The following ESRRG variants were observed in gnomAD, a reference collection of about 807,000 sequenced individuals.
The protein encoded by ESRRG is estrogen related receptor gamma.
Under a neutral mutation model 44.0 loss-of-function variants are expected in ESRRG, and 13 were observed. The observed-to-expected ratio is 0.30, with a 90% CI of 0.19 to 0.47. ESRRG has a LOEUF of 0.47. ESRRG is among the 20% of genes least tolerant of loss of function. The pLI, the probability that ESRRG is intolerant of heterozygous loss-of-function variation, is 1.00. For synonymous variants in ESRRG, 215 were observed against 214.6 expected, an observed-to-expected ratio of 1.00 and a Z score of -0.02; for missense variants, 395 against 580.6, an observed-to-expected ratio of 0.68 and a Z score of 3.29.
intron 2 of ESRRG, among the ~76,000 whole-genome samples, chr1:216,857,792 A>G (rs534973738): frequency 6.6e-5 from 10 of 152,020 alleles, no homozygotes; most frequent in Admixed American, 5.2e-4. Context: ...TGACACGCCC[A>G]TTTACTGGAA....
At chr1:216,709,984 C>T (rs1016930688) in intron 1 of ESRRG, among the ~76,000 whole-genome samples, 11 of 152,038 alleles carry the variant, frequency 7.2e-5, no homozygotes. Flanking sequence ...GAAGAATTTT[C>T]TGCATGTGTT....
upstream of ESRRG, among the ~76,000 whole-genome samples, chr1:217,092,655 T>C (rs903959852): frequency 2.0e-5 from 3 of 152,204 alleles, no homozygotes; most frequent in African/African-American, 7.2e-5. Context: ...CACACTGCGA[T>C]CCCAGTGTCG....
intron 5 of ESRRG, among the ~76,000 whole-genome samples, chr1:216,548,353 C>A (rs1406620418): frequency 6.6e-6 from 1 of 152,032 alleles, no homozygotes; most frequent in Non-Finnish European, 1.5e-5. Flanking sequence ...TTTGAAGCCT[C>A]TTGGCTTGGT....
At chr1:217,017,095 T>C (rs1179007965) in intron 1 of ESRRG, among the ~76,000 whole-genome samples, 1 of 152,156 alleles carries the variant, frequency 6.6e-6, no homozygotes, top group Non-Finnish European at 1.5e-5. Flanking sequence ...TGGGACAGAA[T>C]GCTCTGCTAT....
At chr1:216,652,256 A>C (rs888801949) in intron 2 of ESRRG, among the ~76,000 whole-genome samples, 1 of 152,192 alleles carries the variant, frequency 6.6e-6, no homozygotes, top group African/African-American at 2.4e-5. Flanking sequence ...TCTAGTAATT[A>C]GCATAGAGTC....
intron 2 of ESRRG, among the ~76,000 whole-genome samples, chr1:216,854,337 CAG>C (rs2095886493): frequency 9.8e-6 from 1 of 102,450 alleles, no homozygotes; most frequent in Non-Finnish European, 1.7e-5. Context: ...AGCCTGGCGA[CAG>C]AGCAAGACAC....
At chr1:216,916,163 G>A (rs1031489148) in intron 2 of ESRRG, among the ~76,000 whole-genome samples, 18 of 152,152 alleles carry the variant, frequency 1.2e-4, no homozygotes, top group African/African-American at 4.3e-4. Flanking sequence ...AAGCAATTGA[G>A]TTGAGAGAAT....
At chr1:216,563,217 A>G (rs1161987213) in intron 5 of ESRRG, among the ~76,000 whole-genome samples, 1 of 152,198 alleles carries the variant, frequency 6.6e-6, no homozygotes, top group Non-Finnish European at 1.5e-5. Flanking sequence ...ACTACAACGA[A>G]CAAAGCCATT....
chr1:216,513,293 T>C (rs2043253876), intron 6 of ESRRG, among the ~76,000 whole-genome samples: 1 of 152,194 alleles, frequency 6.6e-6, no homozygotes, highest in African/African-American at 2.4e-5. Flanking sequence ...TTGGCGGCTG[T>C]AGAAACAGGT....
chr1:216,747,026 AG>A (rs1319122498), intron 2 of ESRRG, among the ~76,000 whole-genome samples: 3 of 152,202 alleles, frequency 2.0e-5, no homozygotes, highest in African/African-American at 7.2e-5. Flanking sequence ...CTCATAAAAC[AG>A]GCTTCATAGA....
At chr1:216,782,195 C>T (rs576494171) in intron 2 of ESRRG, among the ~76,000 whole-genome samples, 1 of 152,182 alleles carries the variant, frequency 6.6e-6, no homozygotes, top group Non-Finnish European at 1.5e-5. Context: ...CACACAAGAG[C>T]TCTTACATAC....
chr1:216,611,477 C>T (rs952607790), intron 3 of ESRRG, among the ~76,000 whole-genome samples: 5 of 152,128 alleles, frequency 3.3e-5, no homozygotes, highest in African/African-American at 4.8e-5. Context: ...TAAACACACT[C>T]ATGCACTCAT....
intron 6 of ESRRG, 115 bp downstream of exon 6, chr1:216,519,037 G>T (rs1048846833): frequency 1.0e-5 from 8 of 797,104 alleles, no homozygotes; most frequent in East Asian, 2.6e-5. Context: ...TTATAATTTT[G>T]CTGACTCATA....
chr1:216,887,193 C>T (rs1487532573), intron 2 of ESRRG, among the ~76,000 whole-genome samples: 1 of 152,164 alleles, frequency 6.6e-6, no homozygotes, highest in Admixed American at 6.5e-5. Flanking sequence ...CAACTCTGTT[C>T]TGGCCAATTC....
At position 216,567,992 on chromosome 1, in the gene ESRRG, C is replaced by G. The variant is rs79583553; in HGVS notation, c.696G>C (p.Lys232Asn). The change falls in exon 4 of 7, where the codon AAG (lysine) becomes AAC (asparagine). Residue 232 changes from lysine (K) to asparagine (N), a missense_variant. Transcript: ENST00000408911. ...AGACACATCTGCTGTACTTACATGGCTTTTTGGCTGGCTGAACCAGCTGAG... is the reference window on the plus strand; with the variant it reads ...AGACACATCTGCTGTACTTACATGGGTTTTTGGCTGGCTGAACCAGCTGAG... ...LNPQLVQPAK[K>N]PYNKIVSHLL... is the part of the protein sequence containing the mutation. The G allele has an allele frequency of 6.2e-7, 1 of 1,608,606 alleles. No homozygotes were observed. Among genetic ancestry groups the G allele is most frequent in the South Asian group, 1.1e-5 (1 of 90,964 alleles).
At chr1:216,553,060 G>C (rs1451737220) in intron 5 of ESRRG, among the ~76,000 whole-genome samples, 1 of 151,820 alleles carries the variant, frequency 6.6e-6, no homozygotes, top group Non-Finnish European at 1.5e-5. Context: ...CTGCCACTGG[G>C]TTTTGCCATG....
At chr1:217,036,562 A>T (rs12739912) in intron 1 of ESRRG, among the ~76,000 whole-genome samples, 1 of 152,170 alleles carries the variant, frequency 6.6e-6, no homozygotes, top group Non-Finnish European at 1.5e-5. Flanking sequence ...CTAATGCAGG[A>T]ACAGAAAAGC....
At chr1:216,749,824 A>G (rs936912003) in intron 2 of ESRRG, among the ~76,000 whole-genome samples, 1 of 152,200 alleles carries the variant, frequency 6.6e-6, no homozygotes, top group Admixed American at 6.5e-5. Flanking sequence ...TAATTGGCAA[A>G]TAGAGGTTTA....
chr1:216,515,743 T>G (rs2818958), intron 6 of ESRRG, among the ~76,000 whole-genome samples: 140,516 of 152,084 alleles, frequency 0.92, 65,062 homozygotes, highest in African/African-American at 0.96. Context: ...GCAAAGACTG[T>G]GATGTGAGTG....
Sources: gnomAD v4.1 joint callset for allele counts (sites outside exome capture counted in the v4.1 genomes callset) on GRCh38, gnomAD v4.1.1 for gene constraint, MANE v1.5 for transcripts, NCBI Gene and HGNC (gene_info 2026-07-23, HGNC 2026-07-21) for gene names.